Variants in ZNF440 observed in about 807,000 individuals in gnomAD.
The protein encoded by ZNF440 is zinc finger protein 440.
ZNF440 carries 47 observed loss-of-function variants against 49.7 expected under a neutral mutation model. The ratio of observed to expected loss-of-function variants is 0.95; its 90% CI spans 0.75 to 1.21. The LOEUF is 1.21. ZNF440 is among the 50% of genes most tolerant of loss of function. ZNF440 has a pLI of 0.00. For synonymous variants in ZNF440, 255 were observed against 237.7 expected (o/e 1.07, Z -0.67); for missense variants, 703 against 715.0 (o/e 0.98, Z 0.19).
At chr19:11,822,994 T>C (rs1443486131) in intron 1 of ZNF440, among the ~76,000 whole-genome samples, 1 of 152,130 alleles carries the variant, frequency 6.6e-6, no homozygotes, top group Non-Finnish European at 1.5e-5. Flanking sequence ...ATCTTAGTCA[T>C]CTTGGGCTGC....
intron 1 of ZNF440, among the ~76,000 whole-genome samples, chr19:11,823,919 A>G (rs563751791): frequency 2.0e-5 from 3 of 152,212 alleles, no homozygotes; most frequent in South Asian, 4.1e-4. Flanking sequence ...CCAAGATCAC[A>G]CCACTGCACT....
At chr19:11,816,656 CAG>C (rs577123464) in intron 1 of ZNF440, 17 of 152,276 alleles carry the variant, frequency 1.1e-4, no homozygotes, top group Admixed American at 2.6e-4. Flanking sequence ...TTGTTTGAGA[CAG>C]AGTCTCCTGT....
At chr19:11,818,970 T>C (rs893102384) in intron 1 of ZNF440, among the ~76,000 whole-genome samples, 3 of 152,144 alleles carry the variant, frequency 2.0e-5, no homozygotes, top group Non-Finnish European at 4.4e-5. Context: ...ATGAAGTCTT[T>C]GTGTGAGAAA....
chr19:11,821,470 G>T (rs992177627), intron 1 of ZNF440, among the ~76,000 whole-genome samples: 4 of 152,168 alleles, frequency 2.6e-5, no homozygotes, highest in African/African-American at 9.7e-5. Context: ...AAAGAGAAAT[G>T]CTTCCTGTCC....
chr19:11,826,944 T>C (rs1975874189), intron 1 of ZNF440, among the ~76,000 whole-genome samples: 1 of 152,132 alleles, frequency 6.6e-6, no homozygotes, highest in African/African-American at 2.4e-5. Context: ...ATTACAGGCA[T>C]GAGCCACTGC....
chr19:11,822,919 T>C (rs1249518283), intron 1 of ZNF440, among the ~76,000 whole-genome samples: 1 of 151,790 alleles, frequency 6.6e-6, no homozygotes, highest in African/African-American at 2.4e-5. Context: ...TCTCTGATAA[T>C]ACCATTTTCT....
chr19:11,819,154 T>C (rs1021268279), intron 1 of ZNF440, among the ~76,000 whole-genome samples: 2 of 152,046 alleles, frequency 1.3e-5, no homozygotes, highest in African/African-American at 4.8e-5. Context: ...ATCTCAATTA[T>C]GAAAAATCAT....
intron 1 of ZNF440, among the ~76,000 whole-genome samples, chr19:11,826,898 A>T (rs1363262931): frequency 6.6e-6 from 1 of 151,928 alleles, no homozygotes; most frequent in African/African-American, 2.4e-5. Flanking sequence ...TTTTGACCTC[A>T]GGTGATCAAC....
At chr19:11,814,560 G>C in intron 1 of ZNF440, 110 bp downstream of exon 1, 1 of 1,247,268 alleles carries the variant, frequency 8.0e-7, no homozygotes. Context: ...GGTCGTGGAC[G>C]CGAGTCCCCT....
intron 1 of ZNF440, among the ~76,000 whole-genome samples, chr19:11,826,122 T>C (rs1975862873): frequency 6.6e-6 from 1 of 152,220 alleles, no homozygotes; most frequent in Non-Finnish European, 1.5e-5. Flanking sequence ...GGGCCACTCA[T>C]TTTCTTTCAT....
intron 1 of ZNF440, among the ~76,000 whole-genome samples, chr19:11,824,439 C>G (rs1220480668): frequency 6.6e-6 from 1 of 151,960 alleles, no homozygotes; most frequent in African/African-American, 2.4e-5. Flanking sequence ...CCTTACTTTT[C>G]CTTATACTTT....
chr19:11,834,122 T>A lies in ZNF440; in HGVS notation c.*1158T>A, dbSNP rs1380869208. 3.4e-6 allele frequency: 1 copy of A among 294,472 alleles called. No homozygotes were observed. Among genetic ancestry groups the A allele is most frequent in the Non-Finnish European group, 6.6e-6 (1 of 151,386 alleles). The allele number at this position is 294,472 out of a possible 1,614,324, so 18.2% of individuals were successfully genotyped here. On this transcript the variant is annotated 3_prime_UTR_variant, in exon 4 of 4. Transcript: ENST00000304060. ...TTACATTTTTATCTCAACCTTAATTTTTCTTTCTTTTTTTTTTTCCCCCAG... is the reference window on the plus strand; with the variant it reads ...TTACATTTTTATCTCAACCTTAATTATTCTTTCTTTTTTTTTTTCCCCCAG...
At position 11,828,510 on chromosome 19, in the gene ZNF440, T is replaced by A. The variant is rs1873911077; in HGVS notation, c.4-1773T>A. ...GCTACCATGATTTATTATCATTACT[T>A]ATCTTAAAACAAAATGTAAAACTTA... is the stretch of plus-strand genomic sequence containing the variant. On this transcript the variant is annotated intron_variant, in intron 1 of 3. Coordinates refer to ENST00000304060, the MANE Select transcript of ZNF440 (RefSeq NM_152357.3). Among the ~76,000 whole-genome samples, 4 of 151,784 alleles carry A rather than the reference T, an allele frequency of 2.6e-5. No homozygotes were observed. In the Middle Eastern group the frequency reaches 0.01, roughly 390 times the overall value.
At position 11,821,063 on chromosome 19, in the gene ZNF440, A is replaced by T. The variant is rs1599290291; in HGVS notation, c.3+6613A>T. ...GTCAAAATATGCATGCTTCTCCTCC[A>T]TTCATCTGTTCTGGAAACAGATTTT... On this transcript the variant is annotated intron_variant, in intron 1 of 3. Coordinates refer to ENST00000304060, the MANE Select transcript of ZNF440 (RefSeq NM_152357.3). Among the ~76,000 whole-genome samples, 3 of 152,180 alleles carry T rather than the reference A, an allele frequency of 2.0e-5. No homozygotes were observed. In the South Asian group the frequency reaches 6.2e-4, roughly 31 times the overall value.
At position 11,833,610 on chromosome 19, in the gene ZNF440, A is replaced by G. The variant is rs961272962; in HGVS notation, c.*646A>G. 5.7e-5 allele frequency: 19 copies of G among 333,210 alleles called. No homozygotes were observed. Among genetic ancestry groups the G allele is most frequent in the Non-Finnish European group, 8.8e-5 (15 of 170,058 alleles). The allele number at this position is 333,210 out of a possible 1,614,324, so 20.6% of individuals were successfully genotyped here. A position where few individuals can be genotyped will look rare whatever the true frequency, so the allele number is the denominator to read the frequency against. ...ATGTGCAAAAGCCTTTATTTCTTCC[A>G]CTTCTTTTCAATATCATGAAAGGAC... On this transcript the variant is annotated 3_prime_UTR_variant, in exon 4 of 4. Coordinates refer to ENST00000304060, the MANE Select transcript of ZNF440 (RefSeq NM_152357.3).
rs1975920434 is a variant in ZNF440, at chr19:11,830,365, A to G, written c.86A>G (p.Tyr29Cys). ...ALLDISQRKLYREVMLETFRN... is the reference protein window; with the variant it reads ...ALLDISQRKLCREVMLETFRN... ...CTGGATATTTCCCAGAGGAAACTCT[A>G]CAGGGAAGTGATGCTGGAAACTTTC... Residue 29 changes from tyrosine to cysteine, a missense_variant, in exon 2 of 4, where the codon TAC becomes TGC. Transcript: ENST00000304060. 2 of 1,614,220 alleles carry G rather than the reference A, an allele frequency of 1.2e-6. No individual in the cohort carries two copies. Among genetic ancestry groups the G allele is most frequent in the African/African-American group, 1.3e-5 (1 of 75,058 alleles).
Position 11,832,058 on chromosome 19 carries a change from G to A in ZNF440, c.882G>A (p.Thr294=), listed in dbSNP as rs375520181. Residue 294 remains threonine (T), a synonymous_variant, in exon 4 of 4, where the codon ACG becomes ACA. Transcript: ENST00000304060. ...YQCKECGKAF[T]CPRYVRIHER... ...GTAAGGAATGTGGAAAAGCATTCAC[G>A]TGTCCCCGTTATGTTCGTATACATG... 2.9e-5 allele frequency: 46 copies of A among 1,613,936 alleles called. No homozygotes were observed. The highest frequency in any genetic ancestry group is 1.3e-4 in the Admixed American group (8 of 59,974).
Position 11,833,174 on chromosome 19 carries a change from A to T in ZNF440, c.*210A>T. The T allele has an allele frequency of 7.8e-7, 1 of 1,275,956 alleles. No individual in the cohort carries two copies. Among genetic ancestry groups the T allele is most frequent in the Non-Finnish European group, 1.1e-6 (1 of 898,624 alleles). 79.0% of individuals were successfully genotyped at this position (1,275,956 alleles called of 1,614,324 possible). On this transcript the variant is annotated 3_prime_UTR_variant, in exon 4 of 4. Transcript: ENST00000304060. ...CCCCTATGAGTGTAAGCAATTTGGG[A>T]AAGCCTTCAGATCTGTCAAAAATCT...
chr19:11,827,357 C>G (rs1975880349), intron 1 of ZNF440, among the ~76,000 whole-genome samples: 1 of 152,196 alleles, frequency 6.6e-6, no homozygotes, highest in Non-Finnish European at 1.5e-5. Context: ...CCACCGCACC[C>G]AGCGTTTTGC....
Sources: allele counts gnomAD v4.1 joint callset (sites outside exome capture counted in the v4.1 genomes callset), GRCh38; gene constraint gnomAD v4.1.1; transcripts MANE v1.5; gene names NCBI Gene and HGNC (gene_info 2026-07-23, HGNC 2026-07-21).